The following CFAP47 variants were observed in gnomAD, a reference collection of about 807,000 sequenced individuals.
CFAP47 encodes the protein cilia- and flagella-associated protein 47.
In CFAP47, 29 loss-of-function variants were observed where a neutral mutation model predicts 148.1. That is an observed-to-expected ratio of 0.20 (90% CI 0.15 to 0.27). The LOEUF (loss-of-function observed/expected upper bound fraction) is 0.27, where lower values mean the gene tolerates loss of function less well. Among genes scored for constraint, CFAP47 ranks in the 10% least tolerant of loss-of-function variants. The pLI, the probability that CFAP47 is intolerant of heterozygous loss-of-function variation, is 1.00. For synonymous variants in CFAP47, 664 were observed against 577.3 expected, an observed-to-expected ratio of 1.15 and a Z score of -2.15; for missense variants, 1,872 against 1,697.5, an observed-to-expected ratio of 1.10 and a Z score of -1.81.
intron 39 of CFAP47, among the ~76,000 whole-genome samples, chrX:36,173,693 AT>A (rs781254761): frequency 9.0e-5 from 10 of 111,405 alleles, no homozygotes; most frequent in Non-Finnish European, 1.9e-4. Context: ...ATTCTTTTAC[AT>A]TTGCTGAGGA....
In CFAP47 at chrX:36,122,101, T is replaced by A. The variant is rs747786341; in HGVS notation, c.5321-15857T>A. The stretch of plus-strand genomic sequence containing the variant: ...TTGTTTTTCTTCCTTTTTCCCTTTA[T>A]TACTTTAAATATGTCATGCCACTCT... On this transcript the variant is annotated intron_variant, in intron 33 of 63. Transcript: ENST00000378653. 9.0e-5 allele frequency among the ~76,000 whole-genome samples: 10 copies of A among 111,334 alleles called. No homozygotes were observed. The South Asian group carries it at 3.7e-3, about 42-fold the overall frequency.
intron 57 of CFAP47, among the ~76,000 whole-genome samples, chrX:36,346,037 A>G (rs1941694708): frequency 8.9e-6 from 1 of 111,937 alleles, no homozygotes; most frequent in Non-Finnish European, 1.9e-5. Context: ...AGAATAAAAA[A>G]TGAGTGTAGT....
intron 37 of CFAP47, among the ~76,000 whole-genome samples, chrX:36,156,795 G>A (rs1170467038): frequency 1.8e-5 from 2 of 111,146 alleles, no homozygotes; most frequent in Non-Finnish European, 3.8e-5. Flanking sequence ...AGAAAAGAAT[G>A]CTGGTCATTT....
chrX:36,020,831 G>A (rs1321688001), intron 22 of CFAP47, among the ~76,000 whole-genome samples: 1 of 111,380 alleles, frequency 9.0e-6, no homozygotes, highest in East Asian at 2.8e-4. Flanking sequence ...TTATTGTTAA[G>A]TAAGGACTTA....
At chrX:35,925,040 G>A (rs745686880) in intron 1 of CFAP47, among the ~76,000 whole-genome samples, 31 of 111,410 alleles carry the variant, frequency 2.8e-4, no homozygotes, top group African/African-American at 9.1e-4. Flanking sequence ...AATGAGTTCC[G>A]GTGATCTATT....
At chrX:36,220,339 A>G (rs1285813474) in intron 45 of CFAP47, among the ~76,000 whole-genome samples, 3 of 110,919 alleles carry the variant, frequency 2.7e-5, no homozygotes, top group Admixed American at 1.9e-4. Context: ...AATCTAAAAT[A>G]CTTCTGGCCC....
At chrX:36,380,722 C>T (rs994985853) in intron 63 of CFAP47, among the ~76,000 whole-genome samples, 4 of 112,651 alleles carry the variant, frequency 3.6e-5, no homozygotes, top group Admixed American at 1.9e-4. Flanking sequence ...GGATTACAGG[C>T]GTGAGCCACC....
chrX:36,138,322 A>T, intron 34 of CFAP47, 26 bp from the exon 35 acceptor site: 13 of 1,083,077 alleles, frequency 1.2e-5, no homozygotes, highest in Non-Finnish European at 1.6e-5. Flanking sequence ...CCATTACCAA[A>T]AGGTTTGATT....
At position 36,323,918 on chromosome X, in the gene CFAP47, T is replaced by C. The variant is rs782760174; in HGVS notation, c.8443+4611T>C. Among the ~76,000 whole-genome samples the C allele has an allele frequency of 2.2e-3, 241 of 111,569 alleles. 1 individual carries two copies. Among genetic ancestry groups the C allele is most frequent in the Non-Finnish European group, 3.9e-3 (208 of 52,875 alleles). On this transcript the variant is annotated intron_variant, in intron 57 of 63. Transcript: ENST00000378653. ...GCAAATATATATTTCTAGAAATTAT[T>C]TCCTTGGAATGAGCTTCATACTATA... is the stretch of plus-strand genomic sequence containing the variant.
intron 29 of CFAP47, among the ~76,000 whole-genome samples, chrX:36,076,303 A>G (rs1423465503): frequency 4.9e-5 from 5 of 102,740 alleles, no homozygotes; most frequent in Non-Finnish European, 7.9e-5. Context: ...AACATTAGGT[A>G]TATCTCCTAA....
intron 33 of CFAP47, among the ~76,000 whole-genome samples, chrX:36,114,750 C>T (rs1461417663): frequency 1.8e-5 from 2 of 111,332 alleles, no homozygotes; most frequent in Non-Finnish European, 3.8e-5. Context: ...TGAGGTGCTC[C>T]CAGACTGCTG....
chrX:36,109,791 A>T (rs1247728828), intron 33 of CFAP47, among the ~76,000 whole-genome samples: 2 of 111,644 alleles, frequency 1.8e-5, no homozygotes, highest in African/African-American at 6.5e-5. Flanking sequence ...TGACTTTTTA[A>T]TAAGAGCCAT....
chrX:36,219,763 G>A lies in CFAP47; in HGVS notation c.6818-8865G>A, dbSNP rs191904544. Among the ~76,000 whole-genome samples the A allele has an allele frequency of 2.1e-3, 237 of 110,828 alleles. 1 individual carries two copies. The highest frequency in any genetic ancestry group is 7.2e-3 in the African/African-American group (220 of 30,439). On this transcript the variant is annotated intron_variant, in intron 45 of 63. Transcript: ENST00000378653. The stretch of plus-strand genomic sequence containing the variant: ...AACCTAGAAGCCCCCTCCCCTCTTC[G>A]AGTTGTCCCACCTTTGCCCACCTTT...
chrX:36,167,571 T>C (rs146116797), intron 39 of CFAP47, among the ~76,000 whole-genome samples: 5,682 of 111,089 alleles, frequency 0.051, 145 homozygotes, highest in Middle Eastern at 0.11. Context: ...AGAAAAGAGC[T>C]TCTCACGGTC....
intron 39 of CFAP47, among the ~76,000 whole-genome samples, chrX:36,164,468 A>G (rs953840048): frequency 1.8e-5 from 2 of 111,765 alleles, no homozygotes; most frequent in African/African-American, 6.5e-5. Context: ...TTGTATTAGT[A>G]TAGCTACTTC....
At chrX:36,163,242 G>T (rs1939450860) in intron 39 of CFAP47, among the ~76,000 whole-genome samples, 1 of 111,664 alleles carries the variant, frequency 9.0e-6, no homozygotes, top group African/African-American at 3.2e-5. Flanking sequence ...GGCAAATAGT[G>T]ATGTTCCTCC....
intron 21 of CFAP47, among the ~76,000 whole-genome samples, chrX:36,008,151 A>G (rs1937000462): frequency 9.0e-6 from 1 of 111,291 alleles, no homozygotes; most frequent in South Asian, 3.8e-4. Flanking sequence ...ATCATGACTC[A>G]GATTCCTCTT....
chrX:35,951,831 T>C lies in CFAP47; in HGVS notation c.914T>C (p.Ile305Thr). ...ACAGATATTCAACAAAGAACAGATA[T>C]TGCTTTAAATAATCTCACCTACATA... ...LGTDIQQRTD[I>T]ALNNLTYIRK... Residue 305 changes from isoleucine (I) to threonine (T), a missense_variant, in exon 6 of 64, where the codon ATT becomes ACT. By Grantham distance (89) the Ile-to-Thr change is moderately conservative (BLOSUM62 -1). Coordinates refer to ENST00000378653, the MANE Select transcript of CFAP47 (RefSeq NM_001304548.2). 8.7e-7 allele frequency: 1 copy of C among 1,149,411 alleles called. No homozygotes were observed. 94.7% of individuals were successfully genotyped at this position (1,149,411 alleles called of 1,213,427 possible).
chrX:36,374,927 C>G (rs1177932626), intron 62 of CFAP47: 2 of 614,873 alleles, frequency 3.3e-6, no homozygotes, highest in Non-Finnish European at 2.7e-6. Context: ...TGCCGTTTTT[C>G]TAGACCTTTG....
Sources: allele counts gnomAD v4.1 joint callset (sites outside exome capture counted in the v4.1 genomes callset), GRCh38; gene constraint gnomAD v4.1.1; transcripts MANE v1.5; gene names NCBI Gene and HGNC (gene_info 2026-07-23, HGNC 2026-07-21).